The following B3GALNT2 variants were observed in gnomAD, a reference collection of about 807,000 sequenced individuals.
B3GALNT2 encodes UDP-GalNAc:beta-1,3-N-acetylgalactosaminyltransferase 2.
B3GALNT2 carries 53 observed loss-of-function variants against 61.1 expected under a neutral mutation model. The observed-to-expected ratio is 0.87, with a 90% confidence interval of 0.70 to 1.09. The LOEUF is 1.09. Among genes scored for constraint, B3GALNT2 ranks in the 50% least tolerant of loss-of-function variants. The probability of loss-of-function intolerance (pLI) is 0.00; values close to 1 mark genes in which losing one functional copy is unlikely to be tolerated. For missense variants in B3GALNT2, 544 were observed against 623.0 expected, an observed-to-expected ratio of 0.87 and a Z score of 1.35; for synonymous variants, 223 against 237.4, an observed-to-expected ratio of 0.94 and a Z score of 0.56.
Position 235,450,327 on chromosome 1 carries a change from A to G in B3GALNT2, c.1382T>C (p.Leu461Pro), listed in dbSNP as rs1682821285. ...GPKRYQDSLW[L>P]CEKTCETGML... ...TCCTGTCTCACAGGTCTTCTCACACAGCCACAGACTGTCCTGTTGAGAAAC... is the reference window on the plus strand; with the variant it reads ...TCCTGTCTCACAGGTCTTCTCACACGGCCACAGACTGTCCTGTTGAGAAAC... Residue 461 changes from leucine to proline, a missense_variant, in exon 12 of 12, where the codon CTG becomes CCG. Leu to Pro is a moderately conservative substitution (Grantham distance 98). Coordinates refer to ENST00000366600, the MANE Select transcript of B3GALNT2 (RefSeq NM_152490.5). The G allele has an allele frequency of 1.9e-6, 3 of 1,613,998 alleles. No homozygotes were observed. The highest frequency in any genetic ancestry group is 2.5e-6 in the Non-Finnish European group (3 of 1,179,950).
chr1:235,457,877 G>A (rs1199129427), intron 8 of B3GALNT2, among the ~76,000 whole-genome samples: 2 of 151,522 alleles, frequency 1.3e-5, no homozygotes, highest in Non-Finnish European at 2.9e-5. Context: ...GAGGCAAGCA[G>A]AAATGACTCA....
chr1:235,484,758 G>C (rs931008618), intron 3 of B3GALNT2: 54 of 601,796 alleles, frequency 9.0e-5, no homozygotes, highest in Non-Finnish European at 1.4e-4. Flanking sequence ...TGCTTTAATA[G>C]CTTTTTGCAT....
intron 5 of B3GALNT2, among the ~76,000 whole-genome samples, chr1:235,474,960 TATATATA>T (rs1684174761): frequency 4.4e-5 from 1 of 22,876 alleles, no homozygotes; most frequent in African/African-American, 2.2e-4. Flanking sequence ...CATATATATA[TATATATA>T]TATATATATA....
At chr1:235,443,037 G>A (rs1572449764), downstream of B3GALNT2, 3 of 915,886 alleles carry the variant, frequency 3.3e-6, no homozygotes, top group East Asian at 7.9e-5. Context: ...GTTTTCATTA[G>A]TCTTTTATAT....
intron 1 of B3GALNT2, among the ~76,000 whole-genome samples, chr1:235,501,022 C>T (rs553846376): frequency 2.0e-5 from 3 of 152,352 alleles, no homozygotes; most frequent in South Asian, 2.1e-4. Context: ...GCATCCAGCA[C>T]AGAATCTAAC....
chr1:235,454,685 C>T (rs1479469368), intron 9 of B3GALNT2, among the ~76,000 whole-genome samples: 2 of 152,132 alleles, frequency 1.3e-5, no homozygotes, highest in African/African-American at 4.8e-5. Flanking sequence ...GGTGATCCAC[C>T]CTCCTCAGCC....
chr1:235,456,172 C>A (rs560852183), intron 8 of B3GALNT2, among the ~76,000 whole-genome samples: 25 of 152,304 alleles, frequency 1.6e-4, no homozygotes, highest in African/African-American at 5.8e-4. Context: ...TTAAAAAAAC[C>A]TGACTTATTA....
Position 235,450,021 on chromosome 1 carries a change from A to G in B3GALNT2, c.*185T>C. The G allele has an allele frequency of 1.7e-6, 1 of 598,150 alleles. No homozygotes were observed. Among genetic ancestry groups the G allele is most frequent in the Non-Finnish European group, 2.8e-6 (1 of 362,620 alleles). 37.1% of individuals were successfully genotyped at this position (598,150 alleles called of 1,614,324 possible). A position where few individuals can be genotyped will look rare whatever the true frequency, so the allele number is the denominator to read the frequency against. ...AAAACTTTTCTTATGCTACAGTACA[A>G]GTTGATTTTTAAGGAAATTTGTGCA... is the stretch of plus-strand genomic sequence containing the variant. On this transcript the variant is annotated 3_prime_UTR_variant, in exon 12 of 12. Transcript: ENST00000366600.
At chr1:235,494,597 CG>C in intron 2 of B3GALNT2, 83 bp downstream of exon 2, 2 of 1,424,400 alleles carry the variant, frequency 1.4e-6, no homozygotes, top group Non-Finnish European at 1.9e-6. Context: ...GCTGGGACGA[CG>C]GGCACACACC....
At chr1:235,492,555 C>G (rs1685115772) in intron 2 of B3GALNT2, among the ~76,000 whole-genome samples, 1 of 152,172 alleles carries the variant, frequency 6.6e-6, no homozygotes, top group Admixed American at 6.5e-5. Context: ...TAGTCTGCAC[C>G]AAGCTAGGTT....
downstream of B3GALNT2, among the ~76,000 whole-genome samples, chr1:235,444,749 G>A (rs1682132027): frequency 1.3e-5 from 2 of 152,222 alleles, no homozygotes; most frequent in South Asian, 2.1e-4. Flanking sequence ...ATGTCTTTGC[G>A]TGTTTCCTTT....
In B3GALNT2 at chr1:235,447,832, C is replaced by T. The variant is rs1345884527; in HGVS notation, c.*2374G>A. ...AAAGGGCACTTAGGTCCGTTGGCTC[C>T]GTTTCCCACAGTTCCCCAAATGAAC... On this transcript the variant is annotated 3_prime_UTR_variant, in exon 12 of 12. Coordinates refer to ENST00000366600, the MANE Select transcript of B3GALNT2 (RefSeq NM_152490.5). Among the ~76,000 whole-genome samples the T allele has an allele frequency of 4.6e-5, 7 of 152,144 alleles. No homozygotes were observed. Among genetic ancestry groups the T allele is most frequent in the African/African-American group, 1.4e-4 (6 of 41,428 alleles).
chr1:235,497,342 C>T (rs962410421), intron 1 of B3GALNT2, among the ~76,000 whole-genome samples: 2 of 152,136 alleles, frequency 1.3e-5, no homozygotes, highest in South Asian at 4.1e-4. Context: ...TTTTGCATTA[C>T]GTTAGTAAGA....
At chr1:235,497,127 A>G (rs1258398397) in intron 1 of B3GALNT2, among the ~76,000 whole-genome samples, 1 of 151,772 alleles carries the variant, frequency 6.6e-6, no homozygotes, top group Non-Finnish European at 1.5e-5. Context: ...TCTCAGATAC[A>G]TAACTATATG....
chr1:235,445,523 C>T (rs1190049653), downstream of B3GALNT2, among the ~76,000 whole-genome samples: 2 of 152,120 alleles, frequency 1.3e-5, no homozygotes, highest in African/African-American at 4.8e-5. Flanking sequence ...GTAGTCCCAG[C>T]TGCTTGGGCG....
intron 8 of B3GALNT2, among the ~76,000 whole-genome samples, chr1:235,456,874 C>A (rs1296727215): frequency 6.6e-6 from 1 of 152,174 alleles, no homozygotes; most frequent in African/African-American, 2.4e-5. Context: ...TTGCAACTCT[C>A]ATTTGCGGCC....
At chr1:235,484,565 T>C (rs186291045) in intron 3 of B3GALNT2, 50 bp from the exon 4 acceptor site, 1 of 1,541,328 alleles carries the variant, frequency 6.5e-7, no homozygotes, top group African/African-American at 1.4e-5. Flanking sequence ...AATCCTTTGT[T>C]TTACTAGTAA....
At chr1:235,471,091 T>A in intron 5 of B3GALNT2, 131 bp from the exon 6 acceptor site, 1 of 1,455,222 alleles carries the variant, frequency 6.9e-7, no homozygotes. Flanking sequence ...ACCCCATAAC[T>A]CTGACATACC....
chr1:235,451,659 T>C (rs1056064401), intron 11 of B3GALNT2: 1 of 152,186 alleles, frequency 6.6e-6, no homozygotes, highest in Middle Eastern at 3.4e-3. Flanking sequence ...AAGTGGACCA[T>C]GTAGATGTGG....
Sources: allele counts gnomAD v4.1 joint callset (sites outside exome capture counted in the v4.1 genomes callset), GRCh38; gene constraint gnomAD v4.1.1; transcripts MANE v1.5; gene names NCBI Gene and HGNC (gene_info 2026-07-23, HGNC 2026-07-21).